The following PTPRO variants were observed in gnomAD, a reference collection of about 807,000 sequenced individuals.
The protein encoded by PTPRO is protein tyrosine phosphatase receptor type O, also known as receptor-type tyrosine-protein phosphatase O.
PTPRO carries 62 observed loss-of-function variants against 145.2 expected under a neutral mutation model. The observed-to-expected ratio is 0.43, with a 90% CI of 0.35 to 0.53. The LOEUF is 0.53. PTPRO is among the 20% of genes least tolerant of loss of function. The probability of loss-of-function intolerance (pLI) is 0.01; values close to 1 mark genes in which losing one functional copy is unlikely to be tolerated. For synonymous variants in PTPRO, 565 were observed against 514.7 expected (o/e 1.10, Z -1.32); for missense variants, 1,345 against 1,482.7 (o/e 0.91, Z 1.53).
At chr12:15,463,319 T>C (rs1941346301) in intron 1 of PTPRO, among the ~76,000 whole-genome samples, 1 of 152,182 alleles carries the variant, frequency 6.6e-6, no homozygotes, top group Non-Finnish European at 1.5e-5. Flanking sequence ...GGCACCATCT[T>C]AGCCCGGTGA....
chr12:15,397,588 C>T lies in PTPRO; in HGVS notation c.75+74787C>T, dbSNP rs535057205. Reference sequence around the variant, plus strand: ...CTCCAACTGAGAATATGGACATCCACAACCCTCAGTGCTGGCCCGTGGAAG... The same window carrying T: ...CTCCAACTGAGAATATGGACATCCATAACCCTCAGTGCTGGCCCGTGGAAG... On this transcript the variant is annotated intron_variant, in intron 1 of 26. Transcript: ENST00000281171. Among the ~76,000 whole-genome samples, 6 of 152,320 alleles carry T rather than the reference C, an allele frequency of 3.9e-5. No individual in the cohort carries two copies. The South Asian group carries it at 1.0e-3, about 26-fold the overall frequency.
chr12:15,349,878 A>T (rs1280402646), intron 1 of PTPRO, among the ~76,000 whole-genome samples: 1 of 152,130 alleles, frequency 6.6e-6, no homozygotes, highest in East Asian at 1.9e-4. Flanking sequence ...GCTTACTGAT[A>T]GTTTTTGGAT....
In PTPRO at chr12:15,499,431, T is replaced by C; in HGVS notation, c.509-11T>C. 6.2e-7 allele frequency: 1 copy of C among 1,611,336 alleles called. No homozygotes were observed. The highest frequency in any genetic ancestry group is 8.5e-7 in the Non-Finnish European group (1 of 1,177,586). On this transcript the variant is annotated splice_polypyrimidine_tract_variant and intron_variant, in intron 3 of 26. Coordinates refer to ENST00000281171, the MANE Select transcript of PTPRO (RefSeq NM_030667.3). ...ACCATATTTTTCATGTAATTGATTT[T>C]CTCTTCACAGATTTCTTTAAGGGAA...
rs575418779 is a variant in PTPRO, at chr12:15,569,256, G to A, written c.2748-161G>A. Among the ~76,000 whole-genome samples, 3 of 151,696 alleles carry A rather than the reference G, an allele frequency of 2.0e-5. No homozygotes were observed. The South Asian group carries it at 6.3e-4, about 32-fold the overall frequency. On this transcript the variant is annotated intron_variant, in intron 18 of 26. Coordinates refer to ENST00000281171, the MANE Select transcript of PTPRO (RefSeq NM_030667.3). ...CTTCTTTTCAATTGCAATATATTAA[G>A]GATTGGTAACTTGAACCAAAAAAAA...
chr12:15,527,059 AG>A (rs1464542579), intron 12 of PTPRO, among the ~76,000 whole-genome samples: 2 of 152,176 alleles, frequency 1.3e-5, no homozygotes, highest in African/African-American at 4.8e-5. Context: ...ACACACCAAA[AG>A]TTTATAAATG....
chr12:15,507,534 G>T (rs1184953492), intron 6 of PTPRO, among the ~76,000 whole-genome samples: 1 of 152,208 alleles, frequency 6.6e-6, no homozygotes, highest in Non-Finnish European at 1.5e-5. Context: ...CAGTTTATAT[G>T]TGAGCATCCG....
chr12:15,444,213 C>T (rs971344486), intron 1 of PTPRO, among the ~76,000 whole-genome samples: 15 of 152,030 alleles, frequency 9.9e-5, no homozygotes, highest in African/African-American at 3.6e-4. Flanking sequence ...GGCCATTATC[C>T]TAAGCAAATT....
At chr12:15,567,910 G>C (rs1352083586) in intron 18 of PTPRO, among the ~76,000 whole-genome samples, 1 of 152,122 alleles carries the variant, frequency 6.6e-6, no homozygotes, top group Admixed American at 6.6e-5. Flanking sequence ...CTACCTCAGG[G>C]ATCAATTAAG....
At chr12:15,580,407 AC>A (rs200289495) in intron 21 of PTPRO, among the ~76,000 whole-genome samples, 2 of 152,244 alleles carry the variant, frequency 1.3e-5, no homozygotes, top group East Asian at 3.8e-4. Flanking sequence ...AAAGGGTTCC[AC>A]CCTAGCACCT....
intron 4 of PTPRO, among the ~76,000 whole-genome samples, chr12:15,499,898 C>A (rs1326976331): frequency 6.6e-6 from 1 of 152,072 alleles, no homozygotes; most frequent in Non-Finnish European, 1.5e-5. Flanking sequence ...TTATTGCTGA[C>A]AAGTGACCCT....
intron 1 of PTPRO, among the ~76,000 whole-genome samples, chr12:15,445,376 T>A (rs1940875317): frequency 6.6e-6 from 1 of 152,104 alleles, no homozygotes; most frequent in African/African-American, 2.4e-5. Context: ...TGTTACTGAG[T>A]CCCTAAGTGC....
At chr12:15,475,406 GA>G (rs1565651613) in intron 1 of PTPRO, among the ~76,000 whole-genome samples, 1 of 152,102 alleles carries the variant, frequency 6.6e-6, no homozygotes, top group Admixed American at 6.5e-5. Flanking sequence ...CTATCTAGGT[GA>G]AAAGTGAATA....
At chr12:15,511,816 G>A (rs1275683830) in intron 7 of PTPRO, among the ~76,000 whole-genome samples, 8 of 152,196 alleles carry the variant, frequency 5.3e-5, no homozygotes, top group African/African-American at 1.9e-4. Flanking sequence ...TGCCCACCTC[G>A]GCCTTCCAAA....
At chr12:15,513,708 G>A (rs78496747) in intron 7 of PTPRO, among the ~76,000 whole-genome samples, 14,896 of 152,100 alleles carry the variant, frequency 0.098, 1,300 homozygotes, top group African/African-American at 0.23. Flanking sequence ...ATTGATTCAT[G>A]TTCCTCCTTG....
At chr12:15,384,790 T>C (rs530698121) in intron 1 of PTPRO, among the ~76,000 whole-genome samples, 3 of 152,204 alleles carry the variant, frequency 2.0e-5, no homozygotes, top group South Asian at 4.1e-4. Flanking sequence ...CTTTTTATTT[T>C]TGTGAATGCT....
At chr12:15,580,892 G>A in intron 22 of PTPRO, 61 bp downstream of exon 22, 14 of 1,592,380 alleles carry the variant, frequency 8.8e-6, no homozygotes, top group Non-Finnish European at 1.2e-5. Context: ...CACTGCCGTT[G>A]ATGAAATGCT....
intron 25 of PTPRO, among the ~76,000 whole-genome samples, chr12:15,593,456 G>A (rs747275869): frequency 6.6e-6 from 1 of 152,070 alleles, no homozygotes; most frequent in Non-Finnish European, 1.5e-5. Context: ...ATTTCATTTT[G>A]GCTTTCATTC....
chr12:15,420,395 G>A (rs750451886), intron 1 of PTPRO, among the ~76,000 whole-genome samples: 2 of 151,446 alleles, frequency 1.3e-5, no homozygotes, highest in African/African-American at 2.4e-5. Flanking sequence ...GTGTCTGAAT[G>A]CATCTCACCT....
At chr12:15,546,969 T>C (rs1943309543) in intron 13 of PTPRO, among the ~76,000 whole-genome samples, 1 of 152,196 alleles carries the variant, frequency 6.6e-6, no homozygotes, top group East Asian at 1.9e-4. Flanking sequence ...TAGTAGGCCA[T>C]TGAATTGATC....
Sources: allele counts gnomAD v4.1 joint callset (sites outside exome capture counted in the v4.1 genomes callset), GRCh38; gene constraint gnomAD v4.1.1; transcripts MANE v1.5; gene names NCBI Gene and HGNC (gene_info 2026-07-23, HGNC 2026-07-21).